The following RIPOR3 variants were observed in gnomAD, a reference collection of about 807,000 sequenced individuals.
The protein encoded by RIPOR3 is RIPOR family member 3, also known as family with sequence similarity 65 member C.
A neutral mutation model predicts 114.3 loss-of-function variants in RIPOR3; 95 were observed. That is an observed-to-expected ratio of 0.83 (90% CI 0.70 to 0.99). The LOEUF is 0.99. RIPOR3 is among the 50% of genes least tolerant of loss of function. RIPOR3 has a pLI of 0.00. For synonymous variants in RIPOR3, 575 were observed against 543.8 expected, an observed-to-expected ratio of 1.06 and a Z score of -0.80; for missense variants, 1,252 against 1,266.9, an observed-to-expected ratio of 0.99 and a Z score of 0.18.
chr20:50,607,959 T>C (rs2083784875), intron 11 of RIPOR3, among the ~76,000 whole-genome samples: 1 of 152,120 alleles, frequency 6.6e-6, no homozygotes, highest in Non-Finnish European at 1.5e-5. Context: ...CTCATGGACA[T>C]GGGCTTCATG....
At chr20:50,616,158 C>A in intron 3 of RIPOR3, 78 bp from the exon 4 acceptor site, 1 of 1,439,396 alleles carries the variant, frequency 6.9e-7, no homozygotes, top group Non-Finnish European at 9.5e-7. Context: ...TGGACAATGT[C>A]CCCACGTGGA....
chr20:50,613,048 G>A (rs1333064279), intron 4 of RIPOR3, among the ~76,000 whole-genome samples: 1 of 152,192 alleles, frequency 6.6e-6, no homozygotes, highest in Admixed American at 6.5e-5. Context: ...AGCTATGATC[G>A]TACCACTGCA....
chr20:50,587,815 G>A lies in RIPOR3; in HGVS notation c.2739C>T (p.Thr913=), dbSNP rs1163818492. 1 of 1,614,098 alleles carries A rather than the reference G, an allele frequency of 6.2e-7. No homozygotes were observed. Among genetic ancestry groups the A allele is most frequent in the Non-Finnish European group, 8.5e-7 (1 of 1,180,052 alleles). ...LEAVRAAARE[T]TLSFGEKGRL... is the part of the protein sequence containing the mutation. The stretch of plus-strand genomic sequence containing the variant: ...GCCACTTTTTACCGAACGACAGTGT[G>A]GTTTCCCGGGCTGCCGCCCGCACGG... Residue 913 remains threonine (T), a synonymous_variant, in exon 21 of 22, where the codon ACC becomes ACT. Transcript: ENST00000327979.
At chr20:50,689,960 C>T (rs1448084079) in intron 1 of RIPOR3, among the ~76,000 whole-genome samples, 1 of 152,222 alleles carries the variant, frequency 6.6e-6, no homozygotes, top group Non-Finnish European at 1.5e-5. Flanking sequence ...AGGGATTCCC[C>T]ACCTGCTGTG....
At chr20:50,605,640 G>A (rs1224732558) in intron 11 of RIPOR3, among the ~76,000 whole-genome samples, 1 of 151,826 alleles carries the variant, frequency 6.6e-6, no homozygotes, top group Non-Finnish European at 1.5e-5. Context: ...CTAATGTGGT[G>A]ACCAACAGAC....
intron 1 of RIPOR3, among the ~76,000 whole-genome samples, chr20:50,667,764 C>T (rs2086306249): frequency 6.6e-6 from 1 of 152,190 alleles, no homozygotes; most frequent in African/African-American, 2.4e-5. Context: ...CTTCAGGAAA[C>T]TGAAAATTCA....
At chr20:50,613,201 C>G (rs2084034826) in intron 4 of RIPOR3, among the ~76,000 whole-genome samples, 1 of 151,928 alleles carries the variant, frequency 6.6e-6, no homozygotes, top group African/African-American at 2.4e-5. Context: ...TAATCCTAGC[C>G]TTTTGGGAGG....
chr20:50,645,273 CA>C (rs915556274), intron 1 of RIPOR3, among the ~76,000 whole-genome samples: 1 of 152,222 alleles, frequency 6.6e-6, no homozygotes, highest in African/African-American at 2.4e-5. Context: ...CCCAGGAAGG[CA>C]GGAGCACCGT....
chr20:50,608,360 C>T (rs757188328), intron 11 of RIPOR3, 29 bp downstream of exon 11: 3 of 1,612,946 alleles, frequency 1.9e-6, no homozygotes, highest in East Asian at 4.5e-5. Context: ...AGCCAGGCCT[C>T]CGCTCTCCCC....
At chr20:50,632,904 GC>G (rs1462753377) in intron 1 of RIPOR3, among the ~76,000 whole-genome samples, 1 of 152,148 alleles carries the variant, frequency 6.6e-6, no homozygotes, top group Non-Finnish European at 1.5e-5. Context: ...CCTTGCCCCT[GC>G]CCCCATAAAG....
At position 50,596,139 on chromosome 20, in the gene RIPOR3, C is replaced by A. The variant is rs771635715; in HGVS notation, c.1914+1G>T. The A allele has an allele frequency of 6.2e-7, 1 of 1,614,200 alleles. No individual in the cohort carries two copies. The highest frequency in any genetic ancestry group is 1.1e-5 in the South Asian group (1 of 91,088). On this transcript the variant is annotated splice_donor_variant, in intron 15 of 21. Transcript: ENST00000327979. LOFTEE classifies it high-confidence loss of function. ...CCTGACAAGTCCCCTAGCCCAGCCA[C>A]CTGCAGCAGAGCTTTGCAGACTTGG...
intron 1 of RIPOR3, among the ~76,000 whole-genome samples, chr20:50,683,250 G>T (rs2086915854): frequency 6.6e-6 from 1 of 152,142 alleles, no homozygotes; most frequent in Non-Finnish European, 1.5e-5. Flanking sequence ...AGGGAGGGAG[G>T]CAAGATGGGA....
intron 1 of RIPOR3, among the ~76,000 whole-genome samples, chr20:50,655,823 C>T (rs2085791742): frequency 6.6e-6 from 1 of 151,764 alleles, no homozygotes; most frequent in African/African-American, 2.4e-5. Flanking sequence ...AGGCACGAGA[C>T]CTTCATGTTT....
At chr20:50,690,958 G>A (rs1055267226) in intron 1 of RIPOR3, among the ~76,000 whole-genome samples, 168 bp downstream of exon 1, 2 of 152,170 alleles carry the variant, frequency 1.3e-5, no homozygotes, top group African/African-American at 4.8e-5. Flanking sequence ...CACACAGCAC[G>A]ATACCGCCAT....
chr20:50,687,129 G>A (rs1440465159), intron 1 of RIPOR3, among the ~76,000 whole-genome samples: 1 of 152,226 alleles, frequency 6.6e-6, no homozygotes, highest in African/African-American at 2.4e-5. Flanking sequence ...GACTAGAAAC[G>A]GAAGAGGACT....
Position 50,610,865 on chromosome 20 carries a change from A to C in RIPOR3, c.414T>G (p.Phe138Leu). ...CVERHIRKME[F>L]HISKVDELYE... The stretch of plus-strand genomic sequence containing the variant: ...CGAGCCAGCTGACCTTGCTGATGTG[A>C]AACTCCATCTTCCGAATGTGCCTTT... Residue 138 changes from phenylalanine (F) to leucine (L), a missense_variant, in exon 6 of 22, where the codon TTT (phenylalanine) becomes TTG (leucine). Transcript: ENST00000327979. 6.2e-7 allele frequency: 1 copy of C among 1,614,190 alleles called. No homozygotes were observed. Among genetic ancestry groups the C allele is most frequent in the South Asian group, 1.1e-5 (1 of 91,084 alleles).
rs1470304574 is a variant in RIPOR3 at position 50,595,537 on chromosome 20, T to C, written c.1915-33A>G. 11 of 1,610,008 alleles carry C rather than the reference T, an allele frequency of 6.8e-6. No homozygotes were observed. The East Asian group carries it at 2.0e-4, about 29-fold the overall frequency. On this transcript the variant is annotated intron_variant, in intron 15 of 21. Coordinates refer to ENST00000327979, the MANE Select transcript of RIPOR3 (RefSeq NM_001290268.2). The stretch of plus-strand genomic sequence containing the variant: ...GCAGCCCAGATGCTCCAGATTAGCA[T>C]GGAACATGCCCACCGAGGTCAGCTG...
chr20:50,645,175 A>G (rs1490280042), intron 1 of RIPOR3, among the ~76,000 whole-genome samples: 3 of 152,112 alleles, frequency 2.0e-5, no homozygotes, highest in African/African-American at 4.8e-5. Flanking sequence ...TTACAAAAAA[A>G]TCCCAGCAGC....
chr20:50,624,165 C>A (rs900882998), intron 2 of RIPOR3, among the ~76,000 whole-genome samples: 4 of 152,198 alleles, frequency 2.6e-5, no homozygotes, highest in African/African-American at 9.6e-5. Context: ...TTAAGTGATG[C>A]TTTCCAAAGC....
Sources: gnomAD v4.1 joint callset for allele counts (sites outside exome capture counted in the v4.1 genomes callset) on GRCh38, gnomAD v4.1.1 for gene constraint, MANE v1.5 for transcripts, NCBI Gene and HGNC (gene_info 2026-07-23, HGNC 2026-07-21) for gene names.